Variants in UBE3A observed in about 807,000 individuals in gnomAD.
UBE3A encodes the protein ubiquitin protein ligase E3A, also known as ubiquitin-protein ligase E3A.
UBE3A carries 6 observed loss-of-function variants against 83.4 expected under a neutral mutation model. That is an observed-to-expected ratio of 0.07 (90% confidence interval 0.04 to 0.14). The LOEUF is 0.14. Among genes scored for constraint, UBE3A ranks in the 10% least tolerant of loss-of-function variants. The pLI, the probability that UBE3A is intolerant of heterozygous loss-of-function variation, is 1.00. For synonymous variants in UBE3A, 337 were observed against 355.4 expected, an observed-to-expected ratio of 0.95 and a Z score of 0.58; for missense variants, 456 against 1,036.1, an observed-to-expected ratio of 0.44 and a Z score of 7.69.
intron 11 of UBE3A, among the ~76,000 whole-genome samples, 190 bp from the exon 12 acceptor site, chr15:25,340,418 T>TTTAGA (rs1291585385): frequency 6.6e-6 from 1 of 152,124 alleles, no homozygotes; most frequent in African/African-American, 2.4e-5. Context: ...TACGTAAAAA[T>TTTAGA]TTAGATTAGA....
rs556621301 is a variant in UBE3A, at chr15:25,380,619, AAAG to A, written c.63-4859_63-4857del. Among the ~76,000 whole-genome samples the A allele has an allele frequency of 2.3e-4, 35 of 152,314 alleles. No individual in the cohort carries two copies. The East Asian group carries it at 6.8e-3, about 29-fold the overall frequency. On this transcript the variant is annotated intron_variant, in intron 4 of 12. Transcript: ENST00000648336. ...AGGAAAGGGAGAGGATGCAAAAGAA[AAAG>A]AAGGAAAGAAAGGAATTTCCCTGAT...
intron 6 of UBE3A, among the ~76,000 whole-genome samples, chr15:25,364,071 T>TAAATAAATAAATAAATAAAA (rs1428292360): frequency 1.3e-5 from 2 of 150,522 alleles, no homozygotes; most frequent in African/African-American, 4.9e-5. Context: ...AATAAATAAA[T>TAAATAAATAAATAAATAAAA]AAAAAATAGT....
chr15:25,408,233 A>ACCAC lies in UBE3A; in HGVS notation c.20+854_20+855insGTGG, dbSNP rs1596280865. 3.2e-5 allele frequency: 7 copies of ACCAC among 217,038 alleles called. No individual in the cohort carries two copies. The East Asian group carries it at 8.8e-4, about 27-fold the overall frequency. 13.4% of individuals were successfully genotyped at this position (217,038 alleles called of 1,614,324 possible). A position where few individuals can be genotyped will look rare whatever the true frequency, so the allele number is the denominator to read the frequency against. ...GACCTTGTCTTGGAAACAAACATAA[A>ACCAC]CTATGAAATATATACCACCTAGCAA... On this transcript the variant is annotated intron_variant, in intron 3 of 12. Coordinates refer to ENST00000648336, the MANE Select transcript of UBE3A (RefSeq NM_130839.5).
intron 2 of UBE3A, among the ~76,000 whole-genome samples, chr15:25,411,467 G>A (rs973585671): frequency 1.3e-5 from 2 of 152,164 alleles, no homozygotes; most frequent in Non-Finnish European, 2.9e-5. Context: ...GCACACGCCT[G>A]TAATCCCAGC....
chr15:25,400,725 T>C (rs558395171), intron 4 of UBE3A, among the ~76,000 whole-genome samples: 1 of 152,330 alleles, frequency 6.6e-6, no homozygotes, highest in East Asian at 1.9e-4. Flanking sequence ...TAGGTTTTTC[T>C]ATATACAAGA....
chr15:25,404,120 G>A (rs2087855433), intron 4 of UBE3A, among the ~76,000 whole-genome samples: 1 of 152,130 alleles, frequency 6.6e-6, no homozygotes, highest in Non-Finnish European at 1.5e-5. Flanking sequence ...ATTTTTTAAA[G>A]CTTAAAAGAC....
In UBE3A at chr15:25,354,595, G is replaced by A. The variant is rs752710527; in HGVS notation, c.2213C>T (p.Thr738Ile). Residue 738 changes from threonine (T) to isoleucine (I), a missense_variant, in exon 10 of 13, where the codon ACC becomes ATC. This residue lies in a region of UBE3A where 82 missense variants were observed against 199.3 expected (regional missense o/e 0.41). Coordinates refer to ENST00000648336, the MANE Select transcript of UBE3A (RefSeq NM_130839.5). Reference sequence around the variant, plus strand: ...TAAGTACTTTAAGGGAGATTCATTGGTCACCATATGAAAACCTCTCCGAAA... The same window carrying A: ...TAAGTACTTTAAGGGAGATTCATTGATCACCATATGAAAACCTCTCCGAAA... ...KAFRRGFHMV[T>I]NESPLKYLFR... is the part of the protein sequence containing the mutation. 1.9e-6 allele frequency: 3 copies of A among 1,613,688 alleles called. No individual in the cohort carries two copies. Among genetic ancestry groups the A allele is most frequent in the Admixed American group, 3.3e-5 (2 of 59,996 alleles).
chr15:25,416,132 A>G (rs2090873294), intron 1 of UBE3A, among the ~76,000 whole-genome samples: 1 of 152,204 alleles, frequency 6.6e-6, no homozygotes, highest in East Asian at 1.9e-4. Flanking sequence ...AAATATATGC[A>G]TACCTTATGA....
At chr15:25,408,772 T>A (rs368658686) in intron 3 of UBE3A, 1 of 1,066,446 alleles carries the variant, frequency 9.4e-7, no homozygotes, top group East Asian at 2.5e-5. Context: ...ATAAAAGGCA[T>A]ACTTTAAAAT....
At chr15:25,342,899 T>A (rs1456730714) in intron 11 of UBE3A, among the ~76,000 whole-genome samples, 2 of 152,032 alleles carry the variant, frequency 1.3e-5, no homozygotes, top group Non-Finnish European at 2.9e-5. Flanking sequence ...AGAAAAGTAC[T>A]TGGGTCCAGC....
intron 11 of UBE3A, among the ~76,000 whole-genome samples, chr15:25,342,946 A>AG (rs1428149813): frequency 3.9e-5 from 6 of 152,164 alleles, no homozygotes; most frequent in Non-Finnish European, 7.4e-5. Context: ...CATGAAAGGA[A>AG]GGGGGGTACC....
intron 1 of UBE3A, among the ~76,000 whole-genome samples, chr15:25,423,509 G>A (rs1164704938): frequency 6.6e-6 from 1 of 152,208 alleles, no homozygotes; most frequent in Non-Finnish European, 1.5e-5. Context: ...TTCCAAAACA[G>A]GCAAAGGGTC....
chr15:25,397,631 A>G (rs1315933548), intron 4 of UBE3A, among the ~76,000 whole-genome samples: 2 of 152,152 alleles, frequency 1.3e-5, no homozygotes, highest in African/African-American at 2.4e-5. Context: ...GTCCACCATT[A>G]TTCTTCTAAT....
chr15:25,404,672 G>A (rs914493648), intron 4 of UBE3A, among the ~76,000 whole-genome samples: 1 of 152,062 alleles, frequency 6.6e-6, no homozygotes, highest in Admixed American at 6.5e-5. Context: ...AAAAATACAC[G>A]TTTGACAAAC....
intron 4 of UBE3A, among the ~76,000 whole-genome samples, chr15:25,398,767 T>TTTTA (rs1555415650): frequency 8.9e-5 from 6 of 67,146 alleles, no homozygotes; most frequent in African/African-American, 3.0e-4. Context: ...TTTTATTCTT[T>TTTTA]TATTTATATA....
chr15:25,349,743 T>A (rs767503805), intron 11 of UBE3A, among the ~76,000 whole-genome samples: 19 of 152,300 alleles, frequency 1.2e-4, no homozygotes, highest in Admixed American at 1.0e-3. Flanking sequence ...GCATATATAT[T>A]CGAATTTCCA....
intron 4 of UBE3A, among the ~76,000 whole-genome samples, chr15:25,377,504 T>C (rs571778306): frequency 3.3e-5 from 5 of 152,180 alleles, no homozygotes; most frequent in African/African-American, 9.6e-5. Context: ...AGTGAAAACA[T>C]GTAAAAATAA....
At chr15:25,353,154 C>T (rs2076754781) in intron 11 of UBE3A, among the ~76,000 whole-genome samples, 1 of 152,082 alleles carries the variant, frequency 6.6e-6, no homozygotes, top group African/African-American at 2.4e-5. Flanking sequence ...GTTATCCCAA[C>T]CCTTTAATGA....
At chr15:25,388,883 A>G (rs2083689473) in intron 4 of UBE3A, among the ~76,000 whole-genome samples, 1 of 152,220 alleles carries the variant, frequency 6.6e-6, no homozygotes, top group African/African-American at 2.4e-5. Flanking sequence ...GTGTCCCAAA[A>G]TGAAATATTT....
Sources: allele counts gnomAD v4.1 joint callset (sites outside exome capture counted in the v4.1 genomes callset), GRCh38; gene constraint gnomAD v4.1.1; regional missense constraint gnomAD v4.1.1; transcripts MANE v1.5; gene names NCBI Gene and HGNC (gene_info 2026-07-23, HGNC 2026-07-21).